The following FAM222B variants were observed in gnomAD, a reference collection of about 807,000 sequenced individuals.
The protein encoded by FAM222B is family with sequence similarity 222 member B.
Under a neutral mutation model 38.0 loss-of-function variants are expected in FAM222B, and 12 were observed. The ratio of observed to expected loss-of-function variants is 0.32; its 90% CI spans 0.20 to 0.51. The LOEUF (loss-of-function observed/expected upper bound fraction) is 0.51, where lower values mean the gene tolerates loss of function less well. FAM222B is among the 20% of genes least tolerant of loss of function. The probability of loss-of-function intolerance (pLI) is 0.97; values close to 1 mark genes in which losing one functional copy is unlikely to be tolerated. For synonymous variants in FAM222B, 329 were observed against 317.2 expected, an observed-to-expected ratio of 1.04 and a Z score of -0.40; for missense variants, 716 against 754.2, an observed-to-expected ratio of 0.95 and a Z score of 0.59.
At chr17:28,783,325 A>G (rs2036242755) in intron 1 of FAM222B, among the ~76,000 whole-genome samples, 1 of 152,064 alleles carries the variant, frequency 6.6e-6, no homozygotes, top group Non-Finnish European at 1.5e-5. Context: ...ATCCACGGGT[A>G]AATGTCAACT....
chr17:28,837,355 G>C (rs984959644), intron 1 of FAM222B, among the ~76,000 whole-genome samples: 1 of 151,302 alleles, frequency 6.6e-6, no homozygotes, highest in Non-Finnish European at 1.5e-5. Flanking sequence ...GCGTGAACCC[G>C]GGAGGCAGAG....
intron 2 of FAM222B, among the ~76,000 whole-genome samples, chr17:28,760,545 A>C (rs180806734): frequency 5.3e-4 from 80 of 151,778 alleles, no homozygotes; most frequent in African/African-American, 1.6e-3. Context: ...GCACCACTGC[A>C]CTCCAACCTG....
At chr17:28,831,360 C>T (rs533505184) in intron 1 of FAM222B, among the ~76,000 whole-genome samples, 78 of 152,166 alleles carry the variant, frequency 5.1e-4, no homozygotes, top group Non-Finnish European at 9.0e-4. Flanking sequence ...CAATACCACA[C>T]TGTCTTGATT....
chr17:28,845,317 C>T (rs1808853900), upstream of FAM222B, among the ~76,000 whole-genome samples: 1 of 151,044 alleles, frequency 6.6e-6, no homozygotes, highest in South Asian at 2.1e-4. Context: ...GGGAGAATGG[C>T]GTGAAGCCCG....
rs1361965240 is a variant in FAM222B, at chr17:28,801,385, C to T, written c.-40-34678G>A. On this transcript the variant is annotated intron_variant, in intron 1 of 2. Coordinates refer to ENST00000581407, the MANE Select transcript of FAM222B (RefSeq NM_001077498.3). Reference sequence around the variant, plus strand: ...GGAGAATGGTGTGAACCCCGGGGGGCGGAGGCTGCAGTGAGCCAAGATCAT... The same window carrying T: ...GGAGAATGGTGTGAACCCCGGGGGGTGGAGGCTGCAGTGAGCCAAGATCAT... Among the ~76,000 whole-genome samples the T allele has an allele frequency of 5.8e-5, 8 of 137,634 alleles. No homozygotes were observed. In the South Asian group the frequency reaches 1.7e-3, roughly 30 times the overall value. 90.3% of individuals were successfully genotyped at this position (137,634 alleles called of 152,430 possible).
At chr17:28,782,497 A>C (rs1354183187) in intron 1 of FAM222B, among the ~76,000 whole-genome samples, 1 of 152,218 alleles carries the variant, frequency 6.6e-6, no homozygotes, top group Non-Finnish European at 1.5e-5. Context: ...TGGTTACATA[A>C]ATTTTGTGGT....
At chr17:28,768,566 G>A (rs552491611) in intron 1 of FAM222B, among the ~76,000 whole-genome samples, 10 of 152,160 alleles carry the variant, frequency 6.6e-5, no homozygotes, top group African/African-American at 2.4e-4. Flanking sequence ...GCCGGGCACG[G>A]TGGCTCACAC....
intron 1 of FAM222B, chr17:28,802,648 C>A: frequency 5.6e-6 from 1 of 178,532 alleles, no homozygotes. Context: ...ATAGCAGGCT[C>A]AACAAAGCTG....
chr17:28,844,343 A>G (rs1182095286), upstream of FAM222B, among the ~76,000 whole-genome samples: 1 of 152,196 alleles, frequency 6.6e-6, no homozygotes, highest in African/African-American at 2.4e-5. Context: ...AGACAAGTTG[A>G]GTGCTCAATG....
At position 28,758,086 on chromosome 17, in the gene FAM222B, T is replaced by G; in HGVS notation, c.*184A>C. The stretch of plus-strand genomic sequence containing the variant: ...TTAGGTTCTAACATAAAACCAAAAG[T>G]TGCTGGAGGGGAGGACGAGAGGACC... On this transcript the variant is annotated 3_prime_UTR_variant, in exon 3 of 3. Coordinates refer to ENST00000581407, the MANE Select transcript of FAM222B (RefSeq NM_001077498.3). 3 of 544,908 alleles carry G rather than the reference T, an allele frequency of 5.5e-6. No individual in the cohort carries two copies. The highest frequency in any genetic ancestry group is 9.4e-6 in the Non-Finnish European group (3 of 318,698). The allele number at this position is 544,908 out of a possible 1,614,324, so 33.8% of individuals were successfully genotyped here.
chr17:28,762,455 G>A (rs1156824871), intron 2 of FAM222B, among the ~76,000 whole-genome samples: 1 of 150,900 alleles, frequency 6.6e-6, no homozygotes, highest in Non-Finnish European at 1.5e-5. Context: ...GTGAAACCCT[G>A]TCTCTACTAA....
At chr17:28,792,791 A>G (rs537826123) in intron 1 of FAM222B, among the ~76,000 whole-genome samples, 4 of 150,158 alleles carry the variant, frequency 2.7e-5, no homozygotes, top group Non-Finnish European at 4.4e-5. Context: ...AAAAAAAAAA[A>G]AAAAAAAGAA....
At chr17:28,801,757 G>C (rs768365910) in intron 1 of FAM222B, among the ~76,000 whole-genome samples, 81 of 152,110 alleles carry the variant, frequency 5.3e-4, no homozygotes, top group Non-Finnish European at 6.8e-4. Flanking sequence ...TCACAGACTT[G>C]ATATATCTTT....
At position 28,757,967 on chromosome 17, in the gene FAM222B, T is replaced by C. The variant is rs1179121498; in HGVS notation, c.*303A>G. 3.5e-5 allele frequency: 10 copies of C among 284,834 alleles called. No homozygotes were observed. The highest frequency in any genetic ancestry group is 4.6e-5 in the Non-Finnish European group (7 of 151,760). The allele number at this position is 284,834 out of a possible 1,614,324, so 17.6% of individuals were successfully genotyped here. On this transcript the variant is annotated 3_prime_UTR_variant, in exon 3 of 3. Coordinates refer to ENST00000581407, the MANE Select transcript of FAM222B (RefSeq NM_001077498.3). ...TCGTCCTAAGGGAAACAGGAAGAGA[T>C]TCAAGAAAAGATGGGTGGGAGCTGG... is the stretch of plus-strand genomic sequence containing the variant.
At chr17:28,830,707 C>T (rs956586765) in intron 1 of FAM222B, among the ~76,000 whole-genome samples, 6 of 151,244 alleles carry the variant, frequency 4.0e-5, no homozygotes, top group South Asian at 2.1e-4. Flanking sequence ...TAGTTTAGGC[C>T]GGGCATGGTG....
At chr17:28,817,426 T>A (rs569131389) in intron 1 of FAM222B, among the ~76,000 whole-genome samples, 77 of 133,482 alleles carry the variant, frequency 5.8e-4, no homozygotes, top group African/African-American at 1.8e-3. Context: ...AAAAAAAAAA[T>A]TAATAATCAT....
At chr17:28,774,726 G>C (rs1490631171) in intron 1 of FAM222B, among the ~76,000 whole-genome samples, 1 of 152,042 alleles carries the variant, frequency 6.6e-6, no homozygotes, top group Non-Finnish European at 1.5e-5. Flanking sequence ...GAAAACCTCA[G>C]CTTCAGGAAT....
At chr17:28,808,302 G>C (rs1302841778) in intron 1 of FAM222B, among the ~76,000 whole-genome samples, 1 of 152,132 alleles carries the variant, frequency 6.6e-6, no homozygotes, top group Non-Finnish European at 1.5e-5. Context: ...TGCCAGCCCA[G>C]GTTACCAAAA....
In FAM222B at chr17:28,757,196, C is replaced by T. The variant is rs2034740736; in HGVS notation, c.*1074G>A. 1 of 152,342 alleles carries T rather than the reference C, an allele frequency of 6.6e-6. No homozygotes were observed. The highest frequency in any genetic ancestry group is 2.4e-5 in the African/African-American group (1 of 41,340). The allele number at this position is 152,342 out of a possible 1,614,324, so 9.4% of individuals were successfully genotyped here. ...AAGGAAGTACTCAAAGAGCTTAAGG[C>T]TTTGTGTTTGTTTTTTTTTCCTTCA... On this transcript the variant is annotated 3_prime_UTR_variant, in exon 3 of 3. Transcript: ENST00000581407.
Sources: allele counts gnomAD v4.1 joint callset (sites outside exome capture counted in the v4.1 genomes callset), GRCh38; gene constraint gnomAD v4.1.1; transcripts MANE v1.5; gene names NCBI Gene and HGNC (gene_info 2026-07-23, HGNC 2026-07-21).